Variants in DOK7 observed in about 807,000 individuals in gnomAD.
The protein encoded by DOK7 is docking protein 7.
In DOK7, 32 loss-of-function variants were observed where a neutral mutation model predicts 30.7. The ratio of observed to expected loss-of-function variants is 1.04; its 90% CI spans 0.79 to 1.40. The LOEUF is 1.40. DOK7 is among the 40% of genes most tolerant of loss of function. DOK7 has a pLI of 0.00. For synonymous variants in DOK7, 447 were observed against 324.1 expected (o/e 1.38, Z -4.07); for missense variants, 1,007 against 699.2 (o/e 1.44, Z -4.97).
chr4:3,498,519 C>T (rs1460051383), downstream of DOK7, among the ~76,000 whole-genome samples: 4 of 152,204 alleles, frequency 2.6e-5, no homozygotes, highest in East Asian at 1.9e-4. Flanking sequence ...CCAGCCCCAC[C>T]GTGGGCAAGC....
rs796181776 is a variant in DOK7 at position 3,493,663 on chromosome 4, C to G, written c.*162C>G. On this transcript the variant is annotated 3_prime_UTR_variant, in exon 7 of 7. Transcript: ENST00000340083. The stretch of plus-strand genomic sequence containing the variant: ...TGGAGGGCGCGCCCTGTGGCTGCCA[C>G]CGGAGGAAGGGGCTGACTTGGGGAG... 31 of 1,454,440 alleles carry G rather than the reference C, an allele frequency of 2.1e-5. No homozygotes were observed. The African/African-American group carries it at 3.9e-4, about 18-fold the overall frequency. 90.1% of individuals were successfully genotyped at this position (1,454,440 alleles called of 1,614,324 possible). A position where few individuals can be genotyped will look rare whatever the true frequency, so the allele number is the denominator to read the frequency against.
downstream of DOK7, chr4:3,494,531 C>G: frequency 1.0e-6 from 1 of 985,022 alleles, no homozygotes; most frequent in Non-Finnish European, 1.2e-6. Context: ...CCTCGCCCAC[C>G]CTCCACGTGG....
chr4:3,485,765 C>A, intron 5 of DOK7, 107 bp downstream of exon 5: 2 of 1,336,200 alleles, frequency 1.5e-6, no homozygotes, highest in Non-Finnish European at 1.9e-6. Flanking sequence ...GATGGCCAGC[C>A]TCCCCACCCC....
chr4:3,485,254 A>T (rs1727694304), intron 4 of DOK7: 1 of 353,866 alleles, frequency 2.8e-6, no homozygotes, highest in Non-Finnish European at 5.0e-6. Flanking sequence ...TGGGCGGGGC[A>T]GCACTCACCC....
At chr4:3,467,193 C>G (rs1726338118) in intron 2 of DOK7, among the ~76,000 whole-genome samples, 1 of 151,802 alleles carries the variant, frequency 6.6e-6, no homozygotes, top group Non-Finnish European at 1.5e-5. Flanking sequence ...GGGGACCCCC[C>G]CCACTGCGTC....
rs914998338 is a variant in DOK7, at chr4:3,489,687, C to G, written c.663C>G (p.Pro221=). Residue 221 remains proline, a synonymous_variant, in exon 6 of 7, where the codon CCC becomes CCG. Coordinates refer to ENST00000340083, the MANE Select transcript of DOK7 (RefSeq NM_173660.5). Reference sequence around the variant, plus strand: ...TTCTCTCTGCCACAGACCCAAGTCCCCCGGGACCCTCGACTGTGGAGGAGC... The same window carrying G: ...TTCTCTCTGCCACAGACCCAAGTCCGCCGGGACCCTCGACTGTGGAGGAGC... ...GLRPVLPDPS[P]PGPSTVEERV... The G allele has an allele frequency of 5.7e-6, 9 of 1,565,806 alleles. No homozygotes were observed. Among genetic ancestry groups the G allele is most frequent in the Non-Finnish European group, 7.8e-6 (9 of 1,155,522 alleles).
intron 4 of DOK7, chr4:3,484,427 G>A (rs904193814): frequency 7.5e-6 from 7 of 932,068 alleles, no homozygotes; most frequent in Middle Eastern, 5.5e-4. Flanking sequence ...CCACCCCGGC[G>A]CCTTCCCTCC....
chr4:3,495,634 A>G (rs1728865081), downstream of DOK7, among the ~76,000 whole-genome samples: 1 of 152,194 alleles, frequency 6.6e-6, no homozygotes, highest in South Asian at 2.1e-4. Context: ...TGGGTGGCCA[A>G]CAGGCTGGGG....
downstream of DOK7, among the ~76,000 whole-genome samples, chr4:3,499,020 A>G (rs1577192556): frequency 6.6e-6 from 1 of 152,076 alleles, no homozygotes. Flanking sequence ...AAAGTTCCTC[A>G]CCCCTAGCCC....
At chr4:3,473,669 T>C in intron 3 of DOK7, 33 bp downstream of exon 3, 1 of 1,512,508 alleles carries the variant, frequency 6.6e-7, no homozygotes, top group Non-Finnish European at 8.9e-7. Flanking sequence ...GGGCGGGGGC[T>C]CCCCGTTCAG....
rs879586757 is a variant in DOK7 at position 3,468,535 on chromosome 4, A to C, written c.101-4871A>C. Among the ~76,000 whole-genome samples the C allele has an allele frequency of 7.1e-3, 672 of 94,984 alleles. 4 individuals carry two copies. The highest frequency in any genetic ancestry group is 0.011 in the African/African-American group (208 of 19,558). The allele number at this position is 94,984 out of a possible 152,430, so 62.3% of individuals were successfully genotyped here. A position where few individuals can be genotyped will look rare whatever the true frequency, so the allele number is the denominator to read the frequency against. On this transcript the variant is annotated intron_variant, in intron 2 of 6. Coordinates refer to ENST00000340083, the MANE Select transcript of DOK7 (RefSeq NM_173660.5). ...GCGTGTATGAGTGTGTGTGACTGTG[A>C]GTGTATGTGTGTGTGCCTGTGTGAG...
intron 4 of DOK7, among the ~76,000 whole-genome samples, chr4:3,483,755 G>A (rs531507084): frequency 9.8e-5 from 15 of 152,310 alleles, no homozygotes; most frequent in South Asian, 4.1e-4. Flanking sequence ...GGGCTGTGCC[G>A]GCTGAGCCCT....
intron 6 of DOK7, 39 bp from the exon 7 acceptor site, chr4:3,492,720 G>A (rs777717708): frequency 7.6e-6 from 12 of 1,588,508 alleles, no homozygotes; most frequent in Non-Finnish European, 1.0e-5. Context: ...CCAGACCCCT[G>A]TACCCCCACA....
At chr4:3,477,650 C>T (rs544289691) in intron 4 of DOK7, among the ~76,000 whole-genome samples, 28 of 152,342 alleles carry the variant, frequency 1.8e-4, no homozygotes, top group Admixed American at 6.5e-4. Context: ...TCAGGCTCCA[C>T]GGACTGGGGG....
At chr4:3,488,714 C>A (rs556851743) in intron 5 of DOK7, among the ~76,000 whole-genome samples, 1 of 151,910 alleles carries the variant, frequency 6.6e-6, no homozygotes, top group African/African-American at 2.4e-5. Context: ...AGGTGGGTGT[C>A]AGGAGGTGTG....
At chr4:3,471,183 G>T (rs1346087857) in intron 2 of DOK7, among the ~76,000 whole-genome samples, 1 of 152,254 alleles carries the variant, frequency 6.6e-6, no homozygotes, top group Non-Finnish European at 1.5e-5. Flanking sequence ...AACGCAGACA[G>T]ATGTGTACCT....
downstream of DOK7, among the ~76,000 whole-genome samples, chr4:3,494,915 G>A (rs564895936): frequency 2.8e-3 from 423 of 152,238 alleles, 3 homozygotes; most frequent in African/African-American, 9.9e-3. Flanking sequence ...GTGGGTGCCT[G>A]CCTGCCCCCT....
chr4:3,468,911 GTGTA>G (rs753403803), intron 2 of DOK7, among the ~76,000 whole-genome samples: 20 of 140,734 alleles, frequency 1.4e-4, no homozygotes, highest in East Asian at 4.0e-4. Flanking sequence ...ATGTCTGTGT[GTGTA>G]TGTGTGTATG....
intron 4 of DOK7, among the ~76,000 whole-genome samples, chr4:3,479,223 G>A (rs914949539): frequency 2.6e-5 from 4 of 152,330 alleles, no homozygotes; most frequent in Admixed American, 6.5e-5. Flanking sequence ...CAGTCCCTGC[G>A]CCTGCTGGCT....
Sources: allele counts gnomAD v4.1 joint callset (sites outside exome capture counted in the v4.1 genomes callset), GRCh38; gene constraint gnomAD v4.1.1; transcripts MANE v1.5; gene names NCBI Gene and HGNC (gene_info 2026-07-23, HGNC 2026-07-21).